KANK1: variants seen among roughly 807,000 people sequenced by gnomAD.
The protein encoded by KANK1 is KN motif and ankyrin repeat domains 1.
In KANK1, 109 loss-of-function variants were observed where a neutral mutation model predicts 106.2. The observed-to-expected ratio is 1.03, with a 90% CI of 0.88 to 1.20. KANK1 has a LOEUF of 1.20. Among genes scored for constraint, KANK1 ranks in the 50% most tolerant of loss-of-function variants. The pLI is 0.00. For missense variants in KANK1, 2,399 were observed against 1,710.7 expected (o/e 1.40, Z -7.10); for synonymous variants, 873 against 652.2 (o/e 1.34, Z -5.16).
In KANK1 at chr9:745,487, G is replaced by A. The variant is rs557571019; in HGVS notation, c.*252G>A. 88 of 388,086 alleles carry A rather than the reference G, an allele frequency of 2.3e-4. No individual in the cohort carries two copies. Among genetic ancestry groups the A allele is most frequent in the Non-Finnish European group, 2.9e-4 (62 of 214,000 alleles). The allele number at this position is 388,086 out of a possible 1,614,324, so 24.0% of individuals were successfully genotyped here. ...TCTGTTGCTGTTGAGTCTCTGCTCCGTTTTGTACAGTCACAGGGAATTCTG... is the reference window on the plus strand; with the variant it reads ...TCTGTTGCTGTTGAGTCTCTGCTCCATTTTGTACAGTCACAGGGAATTCTG... On this transcript the variant is annotated 3_prime_UTR_variant, in exon 12 of 12. Transcript: ENST00000382297.
intron 1 of KANK1, among the ~76,000 whole-genome samples, chr9:673,018 A>C (rs1041905013): frequency 3.9e-5 from 6 of 152,162 alleles, no homozygotes; most frequent in Non-Finnish European, 8.8e-5. Flanking sequence ...GACTGTGGCC[A>C]AACCTTTTCT....
Position 514,189 on chromosome 9 carries a change from TC to T in KANK1, c.-84+9438del, listed in dbSNP as rs1322589859. ...CTCTCTCCCTCCCTTCCTCTCTCCC[TC>T]CCTTCCTCCCTCCCTCTCTCCCTCC... On this transcript the variant is annotated intron_variant, in intron 1 of 11. Transcript: ENST00000382297. 9.9e-4 allele frequency among the ~76,000 whole-genome samples: 77 copies of T among 77,872 alleles called. 1 individual carries two copies. Among genetic ancestry groups the T allele is most frequent in the Non-Finnish European group, 1.1e-3 (55 of 48,052 alleles). 51.1% of individuals were successfully genotyped at this position (77,872 alleles called of 152,430 possible). A position where few individuals can be genotyped will look rare whatever the true frequency, so the allele number is the denominator to read the frequency against.
intron 1 of KANK1, among the ~76,000 whole-genome samples, chr9:578,238 A>C (rs1821112112): frequency 6.6e-6 from 1 of 152,186 alleles, no homozygotes; most frequent in Non-Finnish European, 1.5e-5. Flanking sequence ...GCTTCAAACA[A>C]AGTAGGAAAC....
chr9:613,510 GTGGCCCAAGACAATTCTTCT>G (rs779781308), intron 1 of KANK1, among the ~76,000 whole-genome samples: 1 of 151,740 alleles, frequency 6.6e-6, no homozygotes, highest in African/African-American at 2.4e-5. Context: ...TATTTTATTT[GTGGCCCAAGACAATTCTTCT>G]AGTGTGGCCC....
At chr9:533,888 G>A (rs953350827) in intron 1 of KANK1, among the ~76,000 whole-genome samples, 1 of 152,176 alleles carries the variant, frequency 6.6e-6, no homozygotes, top group Non-Finnish European at 1.5e-5. Flanking sequence ...TTTGTGAAAA[G>A]CAAAACAAAA....
chr9:563,616 A>T (rs923581560), intron 1 of KANK1, among the ~76,000 whole-genome samples: 1 of 152,220 alleles, frequency 6.6e-6, no homozygotes, highest in Non-Finnish European at 1.5e-5. Context: ...TCAAATAGGC[A>T]GTAGACCCAT....
intron 1 of KANK1, among the ~76,000 whole-genome samples, chr9:610,144 A>G (rs1045563611): frequency 1.3e-5 from 2 of 152,212 alleles, no homozygotes; most frequent in Non-Finnish European, 2.9e-5. Flanking sequence ...TCAGGCCATA[A>G]TAAGTTACTT....
At chr9:685,833 G>C (rs910386605) in intron 2 of KANK1, among the ~76,000 whole-genome samples, 5 of 152,164 alleles carry the variant, frequency 3.3e-5, no homozygotes, top group African/African-American at 1.2e-4. Context: ...ATTTGGTTTA[G>C]TTGATAAATC....
chr9:699,490 A>AGT (rs1822130631), intron 2 of KANK1, among the ~76,000 whole-genome samples: 5 of 152,328 alleles, frequency 3.3e-5, no homozygotes, highest in Admixed American at 3.3e-4. Context: ...ATGTAGGAGT[A>AGT]GTGTGCAGGT....
At chr9:493,428 G>C (rs1007752171) in intron 3 of KANK1, among the ~76,000 whole-genome samples, 1 of 151,788 alleles carries the variant, frequency 6.6e-6, no homozygotes, top group South Asian at 2.1e-4. Context: ...GTGACATTCT[G>C]ATTGCAACCT....
chr9:572,245 T>C (rs1052430275), intron 1 of KANK1, among the ~76,000 whole-genome samples: 2 of 147,460 alleles, frequency 1.4e-5, no homozygotes, highest in African/African-American at 2.5e-5. Context: ...AGCCTTAAAC[T>C]CCTGGGCTCA....
At chr9:640,644 G>A (rs982753648) in intron 1 of KANK1, among the ~76,000 whole-genome samples, 3 of 151,700 alleles carry the variant, frequency 2.0e-5, no homozygotes, top group African/African-American at 4.9e-5. Context: ...TGATCCACCT[G>A]CCTCGGCCTC....
intron 4 of KANK1, 47 bp downstream of exon 4, chr9:730,295 G>A: frequency 1.3e-6 from 2 of 1,527,230 alleles, no homozygotes; most frequent in Non-Finnish European, 1.8e-6. Flanking sequence ...TCTAGGGCCA[G>A]CATTGCCAGC....
intron 1 of KANK1, among the ~76,000 whole-genome samples, chr9:539,901 C>T (rs1442921928): frequency 6.6e-6 from 1 of 152,076 alleles, no homozygotes; most frequent in Non-Finnish European, 1.5e-5. Context: ...TTTTAGTATC[C>T]TACAACTTCA....
At chr9:534,515 A>G (rs1258782382) in intron 1 of KANK1, among the ~76,000 whole-genome samples, 8 of 152,252 alleles carry the variant, frequency 5.3e-5, no homozygotes, top group Non-Finnish European at 1.0e-4. Context: ...GTTGGCAGAC[A>G]TACGTCTTTG....
At position 731,241 on chromosome 9, in the gene KANK1, CT is replaced by C; in HGVS notation, c.2982del (p.Gln995SerfsTer64). 1.2e-6 allele frequency: 2 copies of C among 1,607,634 alleles called. No individual in the cohort carries two copies. The highest frequency in any genetic ancestry group is 1.7e-6 in the Non-Finnish European group (2 of 1,174,532). On this transcript the variant is annotated frameshift_variant, in exon 5 of 12. Transcript: ENST00000382297. LOFTEE classifies it high-confidence loss of function. ...AGATTCAAATGGCGCAAAAAAGAAT[CT>C]TCAGTTTGTTGGCATTAATGGAGGG... The part of the protein sequence containing the change: ...NKDSNGAKKN[L>X]QFVGINGGYE...
At position 591,376 on chromosome 9, in the gene KANK1, C is replaced by G. The variant is rs1039375005; in HGVS notation, c.-83-85514C>G. 2.0e-5 allele frequency among the ~76,000 whole-genome samples: 3 copies of G among 151,868 alleles called. No individual in the cohort carries two copies. In the East Asian group the frequency reaches 5.8e-4, roughly 29 times the overall value. On this transcript the variant is annotated intron_variant, in intron 1 of 11. Transcript: ENST00000382297. The stretch of plus-strand genomic sequence containing the variant: ...TCAGTTCTTTACATAGCAGAGTAAT[C>G]TCTTTCAAGTGTGATCACATCTTGG...
chr9:504,803 G>T (rs1179150662), intron 1 of KANK1, 49 bp downstream of exon 1: 2 of 12,800 alleles, frequency 1.6e-4, no homozygotes, highest in Non-Finnish European at 2.6e-4. Context: ...CGGCGAGGTT[G>T]TCCCGGAGCG....
At chr9:591,285 TTTTC>T (rs1824809772) in intron 1 of KANK1, among the ~76,000 whole-genome samples, 1 of 151,934 alleles carries the variant, frequency 6.6e-6, no homozygotes, top group Admixed American at 6.5e-5. Flanking sequence ...TGTCAAATCT[TTTTC>T]TTTATGGTTT....
Sources: gnomAD v4.1 joint callset for allele counts (sites outside exome capture counted in the v4.1 genomes callset) on GRCh38, gnomAD v4.1.1 for gene constraint, MANE v1.5 for transcripts, NCBI Gene and HGNC (gene_info 2026-07-23, HGNC 2026-07-21) for gene names.